Variants in FMN1 observed in about 807,000 individuals in gnomAD.
FMN1 encodes formin-1.
FMN1 carries 110 observed loss-of-function variants against 132.4 expected under a neutral mutation model. The observed-to-expected ratio is 0.83, with a 90% CI of 0.71 to 0.97. The LOEUF (loss-of-function observed/expected upper bound fraction) is 0.97, where lower values mean the gene tolerates loss of function less well. Among genes scored for constraint, FMN1 ranks in the 50% least tolerant of loss-of-function variants. The probability of loss-of-function intolerance (pLI) is 0.00; values close to 1 mark genes in which losing one functional copy is unlikely to be tolerated. For synonymous variants in FMN1, 722 were observed against 651.7 expected (o/e 1.11, Z -1.64); for missense variants, 1,792 against 1,705.3 (o/e 1.05, Z -0.90).
intron 4 of FMN1, among the ~76,000 whole-genome samples, chr15:33,126,703 T>C (rs564081540): frequency 6.6e-6 from 1 of 152,106 alleles, no homozygotes; most frequent in African/African-American, 2.4e-5. Context: ...GCGAAGGCAA[T>C]AAAAGAGCAA....
chr15:32,810,072 A>T (rs2057820667), intron 17 of FMN1, among the ~76,000 whole-genome samples: 1 of 152,102 alleles, frequency 6.6e-6, no homozygotes, highest in African/African-American at 2.4e-5. Flanking sequence ...GGCACGCACC[A>T]TGGCTGGCTA....
chr15:32,794,113 A>T (rs935175909), intron 19 of FMN1, among the ~76,000 whole-genome samples: 1 of 152,166 alleles, frequency 6.6e-6, no homozygotes. Flanking sequence ...ATAATCACCC[A>T]TAACAGCAGC....
chr15:33,013,513 T>C (rs770374309), intron 6 of FMN1, among the ~76,000 whole-genome samples: 1 of 152,180 alleles, frequency 6.6e-6, no homozygotes, highest in Non-Finnish European at 1.5e-5. Flanking sequence ...AGCAAGGAGA[T>C]GTTATATGGG....
intron 9 of FMN1, among the ~76,000 whole-genome samples, chr15:32,955,522 T>TC (rs112251148): frequency 0.011 from 1,639 of 152,298 alleles, 28 homozygotes; most frequent in African/African-American, 0.038. Context: ...GCACAGGCGC[T>TC]CAGCCTCATC....
chr15:33,029,924 G>A (rs543949640), intron 6 of FMN1, among the ~76,000 whole-genome samples: 2 of 152,214 alleles, frequency 1.3e-5, no homozygotes, highest in South Asian at 2.1e-4. Flanking sequence ...TTCGGAGACC[G>A]AGGCAGGCAG....
At chr15:33,176,304 G>A (rs948593582) in intron 3 of FMN1, among the ~76,000 whole-genome samples, 4 of 151,732 alleles carry the variant, frequency 2.6e-5, no homozygotes, top group Non-Finnish European at 5.9e-5. Flanking sequence ...TCAGGAGTTC[G>A]AGACCAGCCT....
chr15:32,908,251 A>C, intron 12 of FMN1: 1 of 422,358 alleles, frequency 2.4e-6, no homozygotes, highest in Non-Finnish European at 4.3e-6. Context: ...TAGAAAAAGA[A>C]AGGGGAGTCT....
intron 4 of FMN1, among the ~76,000 whole-genome samples, chr15:33,122,247 ATTC>A (rs1248983873): frequency 2.0e-5 from 3 of 152,240 alleles, no homozygotes; most frequent in Non-Finnish European, 4.4e-5. Context: ...AGTCTTATTT[ATTC>A]TTGTCATATT....
chr15:32,914,774 G>A (rs12708498), intron 10 of FMN1, among the ~76,000 whole-genome samples: 62,942 of 152,118 alleles, frequency 0.41, 13,415 homozygotes, highest in African/African-American at 0.52. Context: ...GACTTAGCCT[G>A]AAACCACTCT....
intron 4 of FMN1, among the ~76,000 whole-genome samples, chr15:33,113,165 C>T (rs891148245): frequency 2.0e-5 from 3 of 152,116 alleles, no homozygotes; most frequent in Admixed American, 6.5e-5. Context: ...GCTTTGTGGC[C>T]AAAGCTTGAC....
At chr15:32,903,947 G>T (rs2060358300) in intron 12 of FMN1, among the ~76,000 whole-genome samples, 1 of 152,140 alleles carries the variant, frequency 6.6e-6, no homozygotes, top group South Asian at 2.1e-4. Flanking sequence ...GGGGAGAAAA[G>T]ATCATAATTT....
At chr15:32,779,298 G>C (rs1043163912) in intron 19 of FMN1, among the ~76,000 whole-genome samples, 1 of 152,064 alleles carries the variant, frequency 6.6e-6, no homozygotes, top group Non-Finnish European at 1.5e-5. Flanking sequence ...ACTTTAAAAG[G>C]GTGAATTTTA....
intron 14 of FMN1, chr15:32,899,751 T>C: frequency 1.8e-6 from 1 of 569,402 alleles, no homozygotes; most frequent in Non-Finnish European, 3.1e-6. Context: ...CACACGAAGA[T>C]GGGAATTGAG....
At position 32,828,095 on chromosome 15, in the gene FMN1, C is replaced by T. The variant is rs143433632; in HGVS notation, c.3929-23763G>A. On this transcript the variant is annotated intron_variant, in intron 17 of 20. Transcript: ENST00000616417. ...ATCACTTGAGGTTGGGAGTTTGAAACCAGCCTGACCAACATGGTGAAATAC... is the reference window on the plus strand; with the variant it reads ...ATCACTTGAGGTTGGGAGTTTGAAATCAGCCTGACCAACATGGTGAAATAC... Among the ~76,000 whole-genome samples the T allele has an allele frequency of 1.8e-3, 271 of 152,212 alleles. 3 individuals are homozygous for T. The highest frequency in any genetic ancestry group is 6.8e-3 in the Middle Eastern group (2 of 294).
chr15:32,916,215 T>C (rs962827397), intron 10 of FMN1, among the ~76,000 whole-genome samples: 2 of 152,090 alleles, frequency 1.3e-5, no homozygotes, highest in Non-Finnish European at 2.9e-5. Flanking sequence ...ACAGGGAAAA[T>C]TCCCCCTCCG....
chr15:32,856,615 A>C (rs2059137155), intron 17 of FMN1, among the ~76,000 whole-genome samples: 1 of 152,214 alleles, frequency 6.6e-6, no homozygotes, highest in Non-Finnish European at 1.5e-5. Context: ...CACTCATAAA[A>C]CCAGGAGGGT....
At chr15:33,115,434 G>A (rs941283177) in intron 4 of FMN1, among the ~76,000 whole-genome samples, 2 of 152,028 alleles carry the variant, frequency 1.3e-5, no homozygotes, top group African/African-American at 2.4e-5. Context: ...GGTAGGCAAG[G>A]CTCAGGTTGA....
intron 7 of FMN1, among the ~76,000 whole-genome samples, chr15:32,984,729 G>C (rs2032942842): frequency 6.6e-6 from 1 of 152,002 alleles, no homozygotes; most frequent in African/African-American, 2.4e-5. Context: ...AACACATTGT[G>C]GCTAAGTGAA....
chr15:32,819,825 G>A (rs2141095493), intron 17 of FMN1, among the ~76,000 whole-genome samples: 1 of 152,200 alleles, frequency 6.6e-6, no homozygotes, highest in South Asian at 2.1e-4. Flanking sequence ...GTGAAACAAT[G>A]CTGTTATTAT....
Sources: allele counts gnomAD v4.1 joint callset (sites outside exome capture counted in the v4.1 genomes callset), GRCh38; gene constraint gnomAD v4.1.1; transcripts MANE v1.5; gene names NCBI Gene and HGNC (gene_info 2026-07-23, HGNC 2026-07-21).